The following SORCS1 variants were observed in gnomAD, a reference collection of about 807,000 sequenced individuals.
The protein encoded by SORCS1 is sortilin related VPS10 domain containing receptor 1, also known as VPS10 domain-containing receptor SorCS1.
In SORCS1, 60 loss-of-function variants were observed where a neutral mutation model predicts 146.1. That is an observed-to-expected ratio of 0.41 (90% CI 0.33 to 0.51). SORCS1 has a LOEUF of 0.51. Ranked by LOEUF, SORCS1 falls within the 20% of genes least tolerant of loss-of-function variation. SORCS1 has a pLI of 0.21. For missense variants in SORCS1, 1,352 were observed against 1,487.6 expected (o/e 0.91, Z 1.50); for synonymous variants, 637 against 584.0 (o/e 1.09, Z -1.31).
In SORCS1 at chr10:107,034,750, A is replaced by G. The variant is rs55793037; in HGVS notation, c.559-78170T>C. 5.1e-3 allele frequency among the ~76,000 whole-genome samples: 760 copies of G among 149,938 alleles called. 9 individuals are homozygous for G. The highest frequency in any genetic ancestry group is 0.018 in the African/African-American group (719 of 40,926). On this transcript the variant is annotated intron_variant, in intron 1 of 25. Coordinates refer to ENST00000263054, the MANE Select transcript of SORCS1 (RefSeq NM_052918.5). ...ACAAAGCCTCTCTGCAGCTCCATCT[A>G]AAACCTAAAGAATGAAAGAACCATC...
chr10:107,000,091 C>T (rs527993751), intron 1 of SORCS1, among the ~76,000 whole-genome samples: 2 of 152,156 alleles, frequency 1.3e-5, no homozygotes, highest in South Asian at 4.1e-4. Flanking sequence ...CCCAGTGACA[C>T]CACATCACCC....
intron 2 of SORCS1, among the ~76,000 whole-genome samples, chr10:106,914,813 T>C (rs901683930): frequency 1.3e-5 from 2 of 152,190 alleles, no homozygotes; most frequent in Admixed American, 1.3e-4. Context: ...GTGGAAGTGG[T>C]GCCCTCTCAT....
At chr10:106,902,562 C>T (rs894524522) in intron 2 of SORCS1, among the ~76,000 whole-genome samples, 2 of 152,034 alleles carry the variant, frequency 1.3e-5, no homozygotes, top group Admixed American at 6.6e-5. Flanking sequence ...ATGGCATGAA[C>T]TTATTTTAAA....
At chr10:106,588,915 G>A (rs374462583) in intron 24 of SORCS1, among the ~76,000 whole-genome samples, 1 of 149,922 alleles carries the variant, frequency 6.7e-6, no homozygotes, top group East Asian at 2.0e-4. Flanking sequence ...CTGGCTCCTT[G>A]GGATTCTTCA....
chr10:107,138,338 T>C (rs1967511995), intron 1 of SORCS1, among the ~76,000 whole-genome samples: 3 of 152,350 alleles, frequency 2.0e-5, no homozygotes, highest in Admixed American at 2.0e-4. Context: ...GGATCTGAAC[T>C]ATCTTTGCAG....
chr10:106,785,336 T>C (rs536228448), intron 3 of SORCS1, among the ~76,000 whole-genome samples: 1 of 152,352 alleles, frequency 6.6e-6, no homozygotes, highest in Non-Finnish European at 1.5e-5. Flanking sequence ...ATTCATTTAC[T>C]TTTCCCTAAA....
At chr10:106,868,215 T>A (rs752053228) in intron 2 of SORCS1, among the ~76,000 whole-genome samples, 75 of 152,104 alleles carry the variant, frequency 4.9e-4, no homozygotes, top group Non-Finnish European at 7.5e-4. Context: ...TTCTTAGAGA[T>A]CTACAAAGAA....
intron 5 of SORCS1, among the ~76,000 whole-genome samples, chr10:106,733,617 A>T (rs974336133): frequency 7.2e-5 from 11 of 152,180 alleles, no homozygotes; most frequent in Admixed American, 6.5e-4. Flanking sequence ...AAGACCAACT[A>T]TGTGTTTCAT....
intron 17 of SORCS1, among the ~76,000 whole-genome samples, chr10:106,666,004 C>G (rs746554012): frequency 3.3e-5 from 5 of 152,112 alleles, no homozygotes; most frequent in Non-Finnish European, 7.3e-5. Context: ...CCACACCTGG[C>G]TAATTTTTTG....
chr10:107,157,224 G>T (rs1969355715), intron 1 of SORCS1, among the ~76,000 whole-genome samples: 1 of 152,130 alleles, frequency 6.6e-6, no homozygotes, highest in South Asian at 2.1e-4. Flanking sequence ...CTAGGGAGCA[G>T]CTGTGTTCTA....
intron 1 of SORCS1, among the ~76,000 whole-genome samples, chr10:107,059,468 G>C (rs1021970452): frequency 2.0e-5 from 3 of 149,028 alleles, no homozygotes; most frequent in Admixed American, 1.3e-4. Context: ...CTCTGGTTGA[G>C]ACAAAGGCTC....
intron 1 of SORCS1, among the ~76,000 whole-genome samples, chr10:107,058,935 C>T (rs1033068675): frequency 1.3e-5 from 2 of 152,186 alleles, no homozygotes; most frequent in African/African-American, 2.4e-5. Context: ...GCAACTTTTT[C>T]GAGAAAACTA....
At chr10:106,653,708 A>G (rs1475394957) in intron 17 of SORCS1, among the ~76,000 whole-genome samples, 1 of 152,228 alleles carries the variant, frequency 6.6e-6, no homozygotes, top group Non-Finnish European at 1.5e-5. Context: ...AAGTACTTTG[A>G]ACACTATAGA....
At chr10:106,640,425 T>G (rs964792431) in intron 18 of SORCS1, among the ~76,000 whole-genome samples, 1 of 152,212 alleles carries the variant, frequency 6.6e-6, no homozygotes, top group African/African-American at 2.4e-5. Context: ...ATTAAGACAA[T>G]GAGATACAGA....
intron 3 of SORCS1, among the ~76,000 whole-genome samples, chr10:106,800,789 C>T (rs573136922): frequency 3.4e-4 from 52 of 152,170 alleles, no homozygotes; most frequent in African/African-American, 1.2e-3. Flanking sequence ...GATCTGCCTG[C>T]CGCAGTCTCC....
intron 2 of SORCS1, among the ~76,000 whole-genome samples, chr10:106,912,016 G>C (rs940137733): frequency 1.1e-4 from 17 of 151,184 alleles, no homozygotes; most frequent in Admixed American, 6.6e-5. Context: ...AGGAGGCTGA[G>C]ACAGGAGAAT....
In SORCS1 at chr10:107,164,003, T is replaced by C. The variant is rs762172366; in HGVS notation, c.524A>G (p.Gln175Arg). Residue 175 changes from glutamine (Q) to arginine (R), a missense_variant, in exon 1 of 26, where the codon CAA becomes CGA. By Grantham distance (43) the Gln-to-Arg change is conservative (BLOSUM62 1). This residue lies in a region of SORCS1 where 490 missense variants were observed against 489.1 expected (regional missense o/e 1.00). Transcript: ENST00000263054. This position sits in a 1 kb window ranked among gnomAD's most constrained non-coding sequence, Gnocchi z 6.8. Reference protein sequence around the residue: ...FALTGDSAHNQAMVHWSGHNS... With the variant: ...FALTGDSAHNRAMVHWSGHNS... The stretch of plus-strand genomic sequence containing the variant: ...GTGGCCAGACCAGTGGACCATGGCT[T>C]GGTTGTGTGCTGAGTCTCCCGTCAG... 2 of 1,614,080 alleles carry C rather than the reference T, an allele frequency of 1.2e-6. No individual in the cohort carries two copies. Among genetic ancestry groups the C allele is most frequent in the South Asian group, 2.2e-5 (2 of 91,056 alleles).
rs72821199 is a variant in SORCS1, at chr10:106,733,859, T to G, written c.960-3745A>C. Among the ~76,000 whole-genome samples the G allele has an allele frequency of 1.2e-3, 185 of 152,292 alleles. 2 individuals carry two copies. The highest frequency in any genetic ancestry group is 6.8e-3 in the Middle Eastern group (2 of 294). On this transcript the variant is annotated intron_variant, in intron 5 of 25. Transcript: ENST00000263054. Reference sequence around the variant, plus strand: ...TTATGCCTCTAGATTATCCGACACATATCACTGTCATAGTTCATAATGATT... The same window carrying G: ...TTATGCCTCTAGATTATCCGACACAGATCACTGTCATAGTTCATAATGATT...
chr10:106,960,122 T>G lies in SORCS1; in HGVS notation c.559-3542A>C, dbSNP rs1265924173. ...CAAGTGGTCACAATATGGTACTAGC[T>G]TTTTAAGGTTCCTCTCTAAATCTTA... On this transcript the variant is annotated intron_variant, in intron 1 of 25. Transcript: ENST00000263054. The surrounding 1 kb of genome is among the most constrained non-coding windows in gnomAD (Gnocchi z 4.4). 1.3e-5 allele frequency among the ~76,000 whole-genome samples: 2 copies of G among 152,226 alleles called. No individual in the cohort carries two copies. Among genetic ancestry groups the G allele is most frequent in the Non-Finnish European group, 2.9e-5 (2 of 68,030 alleles).
Sources: gnomAD v4.1 joint callset for allele counts (sites outside exome capture counted in the v4.1 genomes callset) on GRCh38, gnomAD v4.1.1 for gene constraint, gnomAD v4.1.1 regional missense constraint, Gnocchi (gnomAD v3.1) non-coding constraint, MANE v1.5 for transcripts, NCBI Gene and HGNC (gene_info 2026-07-23, HGNC 2026-07-21) for gene names.